Variants in MKLN1 observed in about 807,000 individuals in gnomAD.
MKLN1 encodes muskelin.
In MKLN1, 18 loss-of-function variants were observed where a neutral mutation model predicts 99.0. The ratio of observed to expected loss-of-function variants is 0.18; its 90% CI spans 0.13 to 0.27. The LOEUF is 0.27. Ranked by LOEUF, MKLN1 falls within the 10% of genes least tolerant of loss-of-function variation. The pLI is 1.00. For synonymous variants in MKLN1, 288 were observed against 293.2 expected (o/e 0.98, Z 0.18); for missense variants, 621 against 875.9 (o/e 0.71, Z 3.67).
At chr7:131,314,423 TTTTG>T (rs377710682) in intron 3 of MKLN1, among the ~76,000 whole-genome samples, 2 of 152,000 alleles carry the variant, frequency 1.3e-5, no homozygotes, top group Non-Finnish European at 2.9e-5. Flanking sequence ...TGAATCTCAT[TTTTG>T]TTTGTTTGTT....
At chr7:131,355,863 T>A (rs1483760620) in intron 1 of MKLN1, among the ~76,000 whole-genome samples, 2 of 151,708 alleles carry the variant, frequency 1.3e-5, no homozygotes, top group African/African-American at 4.8e-5. Context: ...CTATTCTAAA[T>A]AGTATTTTTC....
At chr7:131,129,950 T>A (rs1385155411) in intron 1 of MKLN1, among the ~76,000 whole-genome samples, 1 of 152,174 alleles carries the variant, frequency 6.6e-6, no homozygotes, top group Non-Finnish European at 1.5e-5. Context: ...ACAGTGGCAA[T>A]ATTGTGGTAG....
At chr7:131,242,582 T>G in intron 3 of MKLN1, 1 of 465,276 alleles carries the variant, frequency 2.1e-6, no homozygotes, top group East Asian at 5.2e-5. Context: ...CCCGAGGGGT[T>G]GCTGCTGAAA....
rs139097710 is a variant in MKLN1, at chr7:131,424,330, G to A, written c.848-4703G>A. 7.7e-3 allele frequency among the ~76,000 whole-genome samples: 1,167 copies of A among 151,792 alleles called. 18 individuals are homozygous for A. Among genetic ancestry groups the A allele is most frequent in the African/African-American group, 0.027 (1,103 of 41,396 alleles). On this transcript the variant is annotated intron_variant, in intron 8 of 17. Coordinates refer to ENST00000352689, the MANE Select transcript of MKLN1 (RefSeq NM_013255.5). Reference sequence around the variant, plus strand: ...TTTTTGATACATGAATTTTGTCTAAGTTTTGGGCCCAGGCTATGTCAATGC... The same window carrying A: ...TTTTTGATACATGAATTTTGTCTAAATTTTGGGCCCAGGCTATGTCAATGC...
chr7:131,116,422 T>C (rs1411557481), intron 1 of MKLN1, among the ~76,000 whole-genome samples: 3 of 151,992 alleles, frequency 2.0e-5, no homozygotes, highest in Non-Finnish European at 4.4e-5. Context: ...CACAAGGCTG[T>C]TAGGAAAATG....
rs1420859957 is a variant in MKLN1, at chr7:131,445,784, G to A, written c.1406G>A (p.Cys469Tyr). The change falls in exon 12 of 18, where the codon TGC becomes TAC. Residue 469 changes from cysteine to tyrosine, a missense_variant. By Grantham distance (194) the Cys-to-Tyr change is radical. Transcript: ENST00000352689. ...TTTCTTCTTTTTCAGAAAAATCGTT[G>A]CTTATATGTATTTGGTGGCCAGCGA... ...HCMLFHSKNR[C>Y]LYVFGGQRSK... The A allele has an allele frequency of 6.3e-7, 1 of 1,580,932 alleles. No individual in the cohort carries two copies. The highest frequency in any genetic ancestry group is 8.6e-7 in the Non-Finnish European group (1 of 1,164,198).
At chr7:131,419,485 T>G (rs1399467309) in intron 8 of MKLN1, among the ~76,000 whole-genome samples, 1 of 151,960 alleles carries the variant, frequency 6.6e-6, no homozygotes, top group Admixed American at 6.6e-5. Context: ...CAGGTGATCA[T>G]CCTGCCTTGG....
intron 3 of MKLN1, among the ~76,000 whole-genome samples, chr7:131,249,756 G>A (rs991046318): frequency 3.3e-5 from 5 of 152,194 alleles, no homozygotes; most frequent in South Asian, 2.1e-4. Flanking sequence ...GAGAGAACAC[G>A]TAGCTCCTTG....
intron 2 of MKLN1, among the ~76,000 whole-genome samples, chr7:131,173,980 T>C (rs954887618): frequency 2.0e-5 from 3 of 146,414 alleles, no homozygotes; most frequent in Non-Finnish European, 4.5e-5. Flanking sequence ...TTTTCTTTTT[T>C]TTTTTTTTTT....
chr7:131,194,732 C>G (rs556803755), intron 2 of MKLN1, among the ~76,000 whole-genome samples: 5 of 152,298 alleles, frequency 3.3e-5, no homozygotes, highest in Admixed American at 3.3e-4. Flanking sequence ...GAATGTGTTG[C>G]TAGTTGCTTA....
chr7:131,161,203 T>G (rs953533932), intron 2 of MKLN1, among the ~76,000 whole-genome samples: 1 of 152,178 alleles, frequency 6.6e-6, no homozygotes, highest in Admixed American at 6.5e-5. Flanking sequence ...AAGTGAATGC[T>G]TTGAGAAGAT....
At chr7:131,256,051 A>G (rs901267569) in intron 3 of MKLN1, among the ~76,000 whole-genome samples, 19 of 151,738 alleles carry the variant, frequency 1.3e-4, no homozygotes, top group Non-Finnish European at 4.4e-5. Flanking sequence ...GACTACAGAC[A>G]TGTACCACCA....
chr7:131,410,001 G>A (rs1794829512), intron 6 of MKLN1, among the ~76,000 whole-genome samples: 1 of 152,088 alleles, frequency 6.6e-6, no homozygotes, highest in Non-Finnish European at 1.5e-5. Flanking sequence ...CTCTTTAGAA[G>A]TAAGGAAAAA....
At chr7:131,147,889 G>A (rs139726539) in intron 2 of MKLN1, among the ~76,000 whole-genome samples, 4 of 152,320 alleles carry the variant, frequency 2.6e-5, no homozygotes, top group Non-Finnish European at 4.4e-5. Flanking sequence ...ATACAAGGAG[G>A]CTTGTGTAGT....
At chr7:131,286,020 G>A (rs574901878) in intron 3 of MKLN1, among the ~76,000 whole-genome samples, 1 of 149,510 alleles carries the variant, frequency 6.7e-6, no homozygotes, top group East Asian at 2.0e-4. Context: ...CAGTGGCGCC[G>A]TCTCACTGCA....
chr7:131,219,454 T>C (rs1292560196), intron 3 of MKLN1, among the ~76,000 whole-genome samples: 1 of 152,228 alleles, frequency 6.6e-6, no homozygotes, highest in Non-Finnish European at 1.5e-5. Context: ...GAATTTCGAA[T>C]ATTTGTGATT....
chr7:131,137,624 G>A (rs1217107257), intron 1 of MKLN1, among the ~76,000 whole-genome samples: 3 of 152,200 alleles, frequency 2.0e-5, no homozygotes, highest in Admixed American at 2.0e-4. Context: ...GCTGAGGCTA[G>A]AGTGCAATGG....
At chr7:131,255,090 A>G (rs1412969729) in intron 3 of MKLN1, among the ~76,000 whole-genome samples, 1 of 152,006 alleles carries the variant, frequency 6.6e-6, no homozygotes. Flanking sequence ...GACAGGGTCT[A>G]TGTTTCCCAG....
intron 3 of MKLN1, among the ~76,000 whole-genome samples, chr7:131,314,496 C>T (rs554193632): frequency 1.3e-5 from 2 of 152,280 alleles, no homozygotes; most frequent in East Asian, 1.9e-4. Context: ...GATCTCGGCT[C>T]ACTGCAAGCT....
Sources: allele counts gnomAD v4.1 joint callset (sites outside exome capture counted in the v4.1 genomes callset), GRCh38; gene constraint gnomAD v4.1.1; transcripts MANE v1.5; gene names NCBI Gene and HGNC (gene_info 2026-07-23, HGNC 2026-07-21).